CDC14B: variants seen among roughly 807,000 people sequenced by gnomAD.
CDC14B encodes cell division cycle 14B, also known as dual specificity protein phosphatase CDC14B.
A neutral mutation model predicts 64.2 loss-of-function variants in CDC14B; 22 were observed. The observed-to-expected ratio is 0.34, with a 90% CI of 0.24 to 0.49. The LOEUF (loss-of-function observed/expected upper bound fraction) is 0.49. CDC14B is among the 20% of genes least tolerant of loss of function. The pLI, the probability that CDC14B is intolerant of heterozygous loss-of-function variation, is 0.99. For synonymous variants in CDC14B, 191 were observed against 215.8 expected, an observed-to-expected ratio of 0.89 and a Z score of 1.01; for missense variants, 498 against 629.9, an observed-to-expected ratio of 0.79 and a Z score of 2.24.
chr9:96,515,458 A>C lies in CDC14B; in HGVS notation c.1344-5669T>G, dbSNP rs1835504658. 1.3e-5 allele frequency among the ~76,000 whole-genome samples: 2 copies of C among 152,236 alleles called. No homozygotes were observed. The highest frequency in any genetic ancestry group is 2.9e-5 in the Non-Finnish European group (2 of 68,042). ...GTATGTTACTTTCAATATCCTTTCT[A>C]TGAGAGGAACAGTGAAGCCCACCTT... On this transcript the variant is annotated intron_variant, in intron 12 of 13. Coordinates refer to ENST00000375241, the MANE Select transcript of CDC14B (RefSeq NM_033331.4). This position sits in a 1 kb window ranked among gnomAD's most constrained non-coding sequence, Gnocchi z 4.3.
At chr9:96,508,111 G>T (rs1351465754) in intron 13 of CDC14B, among the ~76,000 whole-genome samples, 1 of 151,708 alleles carries the variant, frequency 6.6e-6, no homozygotes, top group Non-Finnish European at 1.5e-5. Context: ...CGCCTCCCAT[G>T]TTTAAGCGAT....
intron 1 of CDC14B, among the ~76,000 whole-genome samples, chr9:96,571,758 AAC>A (rs1487879982): frequency 6.6e-6 from 1 of 152,072 alleles, no homozygotes; most frequent in Non-Finnish European, 1.5e-5. Context: ...GGCCTTGGGA[AAC>A]AGAGTCTCTT....
chr9:96,533,166 A>G (rs915797546), intron 9 of CDC14B, among the ~76,000 whole-genome samples: 1 of 151,976 alleles, frequency 6.6e-6, no homozygotes, highest in Non-Finnish European at 1.5e-5. Context: ...ACAGGGTTTC[A>G]CTATTTTGGC....
chr9:96,560,142 C>T (rs954626499), intron 4 of CDC14B, among the ~76,000 whole-genome samples: 7 of 152,190 alleles, frequency 4.6e-5, no homozygotes, highest in Admixed American at 1.3e-4. Flanking sequence ...AGGTTCTTCA[C>T]GCTGTAGTCC....
rs1393283203 is a variant in CDC14B, at chr9:96,528,231, A to AAT, written c.947-4508_947-4507dup. On this transcript the variant is annotated intron_variant, in intron 9 of 13. Transcript: ENST00000375241. ...CTTCCACCTTTTGGCTATTCAGAGT[A>AAT]ATGCTGCTGGCCGGGCGTGGTGGCT... Among the ~76,000 whole-genome samples the AAT allele has an allele frequency of 2.0e-5, 3 of 152,112 alleles. No individual in the cohort carries two copies. In the East Asian group the frequency reaches 5.8e-4, roughly 29 times the overall value.
intron 1 of CDC14B, among the ~76,000 whole-genome samples, chr9:96,590,539 T>C (rs942113107): frequency 7.2e-5 from 11 of 152,184 alleles, no homozygotes; most frequent in South Asian, 2.1e-4. Flanking sequence ...ATTTTTAGTT[T>C]TCTGAGGAAC....
At chr9:96,581,276 A>G (rs979613914) in intron 1 of CDC14B, among the ~76,000 whole-genome samples, 1 of 151,810 alleles carries the variant, frequency 6.6e-6, no homozygotes, top group Admixed American at 6.6e-5. Context: ...ATGAAGCACA[A>G]AGAAGAAAAT....
intron 1 of CDC14B, among the ~76,000 whole-genome samples, chr9:96,607,413 CTTTTTTTT>C (rs999912549): frequency 1.5e-5 from 1 of 66,370 alleles, no homozygotes; most frequent in Admixed American, 1.8e-4. Context: ...AACGTGATGT[CTTTTTTTT>C]TTTTTTTTTT....
Position 96,514,920 on chromosome 9 carries a change from A to G in CDC14B, c.1344-5131T>C, listed in dbSNP as rs117741446. 6.1e-5 allele frequency: 60 copies of G among 985,440 alleles called. No individual in the cohort carries two copies. In the East Asian group the frequency reaches 3.5e-3, roughly 58 times the overall value. 61.0% of individuals were successfully genotyped at this position (985,440 alleles called of 1,614,324 possible). On this transcript the variant is annotated intron_variant, in intron 12 of 13. Coordinates refer to ENST00000375241, the MANE Select transcript of CDC14B (RefSeq NM_033331.4). ...CTCAAGAGAATACAGATTTGCTGCT[A>G]TTAGCCTATTAAAGGCATTCTGGCT...
chr9:96,610,683 A>G (rs1429565249), intron 1 of CDC14B, among the ~76,000 whole-genome samples: 1 of 151,836 alleles, frequency 6.6e-6, no homozygotes, highest in East Asian at 1.9e-4. Context: ...TGTTATAGTT[A>G]TAACAACTCA....
intron 1 of CDC14B, among the ~76,000 whole-genome samples, chr9:96,568,709 A>G (rs1246406027): frequency 6.6e-6 from 1 of 152,204 alleles, no homozygotes; most frequent in Non-Finnish European, 1.5e-5. Flanking sequence ...TGAGGTCAGG[A>G]GTTCGAGACT....
At chr9:96,577,826 T>C (rs1375423478) in intron 1 of CDC14B, among the ~76,000 whole-genome samples, 1 of 152,218 alleles carries the variant, frequency 6.6e-6, no homozygotes, top group Non-Finnish European at 1.5e-5. Flanking sequence ...AAGAAAGGTA[T>C]TTTTTAAAAG....
At chr9:96,530,431 ATTTTTTT>A (rs755667991) in intron 9 of CDC14B, among the ~76,000 whole-genome samples, 5 of 129,544 alleles carry the variant, frequency 3.9e-5, no homozygotes, top group Admixed American at 7.8e-5. Context: ...CGCCCGGCTA[ATTTTTTT>A]TTTTTTTTTT....
intron 9 of CDC14B, among the ~76,000 whole-genome samples, chr9:96,524,582 A>G (rs993221195): frequency 6.6e-6 from 1 of 152,104 alleles, no homozygotes; most frequent in African/African-American, 2.4e-5. Flanking sequence ...TTATGTGTCA[A>G]TCCGGAATGA....
chr9:96,577,931 G>C (rs117438122), intron 1 of CDC14B, among the ~76,000 whole-genome samples: 2,281 of 152,282 alleles, frequency 0.015, 25 homozygotes, highest in Middle Eastern at 0.024. Flanking sequence ...GAGAGTGCCT[G>C]AGGCTACAGC....
chr9:96,527,571 C>A (rs1332324143), intron 9 of CDC14B, among the ~76,000 whole-genome samples: 1 of 152,088 alleles, frequency 6.6e-6, no homozygotes, highest in Non-Finnish European at 1.5e-5. Context: ...CGTATTTCAT[C>A]TTACAAAACG....
At chr9:96,591,541 T>C (rs1248673220) in intron 1 of CDC14B, among the ~76,000 whole-genome samples, 1 of 152,128 alleles carries the variant, frequency 6.6e-6, no homozygotes, top group Admixed American at 6.6e-5. Flanking sequence ...TTTCCCCTTT[T>C]CAAGCTTGTT....
At position 96,562,528 on chromosome 9, in the gene CDC14B, C is replaced by T. The variant is rs1021999268; in HGVS notation, c.420+165G>A. The T allele has an allele frequency of 2.8e-5, 17 of 610,764 alleles. No individual in the cohort carries two copies. The African/African-American group carries it at 3.1e-4, about 11-fold the overall frequency. The allele number at this position is 610,764 out of a possible 1,614,324, so 37.8% of individuals were successfully genotyped here. ...GAGATCTCTCATCTACCTGCTACTT[C>T]CACATAAGCACAGCTTCCTTGAATT... On this transcript the variant is annotated intron_variant, in intron 4 of 13. Transcript: ENST00000375241.
intron 1 of CDC14B, among the ~76,000 whole-genome samples, chr9:96,615,042 T>C (rs1847537521): frequency 6.6e-6 from 1 of 152,152 alleles, no homozygotes; most frequent in Non-Finnish European, 1.5e-5. Flanking sequence ...GGTTTCACCA[T>C]GTTGGCCAGG....
Sources: allele counts gnomAD v4.1 joint callset (sites outside exome capture counted in the v4.1 genomes callset), GRCh38; gene constraint gnomAD v4.1.1; non-coding constraint Gnocchi (gnomAD v3.1); transcripts MANE v1.5; gene names NCBI Gene and HGNC (gene_info 2026-07-23, HGNC 2026-07-21).